The following SYT1 variants were observed in gnomAD, a reference collection of about 807,000 sequenced individuals.
SYT1 encodes synaptotagmin 1, also known as synaptotagmin-1.
Under a neutral mutation model 44.8 loss-of-function variants are expected in SYT1, and 8 were observed. The ratio of observed to expected loss-of-function variants is 0.18; its 90% CI spans 0.10 to 0.32. The LOEUF is 0.32. Among genes scored for constraint, SYT1 ranks in the 10% least tolerant of loss-of-function variants. The pLI, the probability that SYT1 is intolerant of heterozygous loss-of-function variation, is 1.00. For synonymous variants in SYT1, 154 were observed against 188.8 expected (o/e 0.82, Z 1.51); for missense variants, 286 against 509.3 (o/e 0.56, Z 4.22).
chr12:79,160,269 A>T (rs1374052072), intron 3 of SYT1, among the ~76,000 whole-genome samples: 4 of 152,108 alleles, frequency 2.6e-5, no homozygotes, highest in African/African-American at 9.7e-5. Context: ...GCTGAGGTTG[A>T]AATATAAGTA....
chr12:79,204,449 G>A (rs1873977330), intron 3 of SYT1, among the ~76,000 whole-genome samples: 2 of 152,196 alleles, frequency 1.3e-5, no homozygotes, highest in South Asian at 4.1e-4. Context: ...GAAACAGCAA[G>A]AGTTCAGAGT....
At chr12:79,041,676 T>C (rs961751618) in intron 2 of SYT1, among the ~76,000 whole-genome samples, 8 of 152,044 alleles carry the variant, frequency 5.3e-5, no homozygotes, top group Non-Finnish European at 1.2e-4. Context: ...ATAGGAGTGG[T>C]GAGACAGGGC....
chr12:79,046,507 CCAAAT>C (rs940060067), intron 2 of SYT1: 1 of 152,032 alleles, frequency 6.6e-6, no homozygotes, highest in African/African-American at 2.4e-5. Context: ...ACATGTCAAA[CCAAAT>C]CAGAAATTCC....
At chr12:79,380,300 G>A (rs538509537) in intron 9 of SYT1, among the ~76,000 whole-genome samples, 1 of 152,316 alleles carries the variant, frequency 6.6e-6, no homozygotes, top group Admixed American at 6.5e-5. Context: ...CTCTGACAAA[G>A]ATGCAATTTG....
chr12:78,868,729 G>C (rs1434076668), intron 1 of SYT1: 1 of 151,824 alleles, frequency 6.6e-6, no homozygotes, highest in Non-Finnish European at 1.5e-5. Flanking sequence ...AGATGACGGT[G>C]TCTTAGGAAT....
intron 1 of SYT1, among the ~76,000 whole-genome samples, chr12:78,899,215 A>G (rs1592536815): frequency 6.6e-6 from 1 of 152,174 alleles, no homozygotes; most frequent in Admixed American, 6.6e-5. Context: ...TATTGCTGAA[A>G]TCATTATGAA....
At chr12:78,994,487 T>G (rs1335671670) in intron 2 of SYT1, among the ~76,000 whole-genome samples, 2 of 110,248 alleles carry the variant, frequency 1.8e-5, no homozygotes, top group African/African-American at 8.0e-5. Flanking sequence ...TTTCTTCTCC[T>G]TTTTTTTTTT....
intron 5 of SYT1, among the ~76,000 whole-genome samples, chr12:79,287,774 A>G (rs754651354): frequency 2.1e-4 from 32 of 152,134 alleles, no homozygotes; most frequent in Non-Finnish European, 1.2e-4. Context: ...TATGACCTGG[A>G]TAAATGACCA....
chr12:79,440,464 G>A (rs1870347936), intron 9 of SYT1, among the ~76,000 whole-genome samples: 1 of 152,106 alleles, frequency 6.6e-6, no homozygotes, highest in African/African-American at 2.4e-5. Context: ...GATATAGAGT[G>A]CCTAGAGACA....
At chr12:79,444,306 C>G in intron 10 of SYT1, 100 bp downstream of exon 10, 2 of 1,366,106 alleles carry the variant, frequency 1.5e-6, no homozygotes, top group Non-Finnish European at 2.0e-6. Flanking sequence ...CACATGCCTT[C>G]ATTAGAACTG....
chr12:79,185,066 C>T (rs1440343784), intron 3 of SYT1, among the ~76,000 whole-genome samples: 1 of 152,020 alleles, frequency 6.6e-6, no homozygotes. Flanking sequence ...GCTCTCTCCA[C>T]TATGAATTGC....
chr12:78,877,786 G>A (rs751122136), intron 1 of SYT1, among the ~76,000 whole-genome samples: 47 of 151,482 alleles, frequency 3.1e-4, no homozygotes, highest in Non-Finnish European at 5.2e-4. Context: ...ATACCACCAC[G>A]CCTGGCTAAT....
chr12:79,056,917 G>T (rs190052950), intron 3 of SYT1, among the ~76,000 whole-genome samples: 1 of 151,938 alleles, frequency 6.6e-6, no homozygotes, highest in East Asian at 1.9e-4. Context: ...CATTTTAAGT[G>T]GTTTTGTTGT....
intron 3 of SYT1, among the ~76,000 whole-genome samples, chr12:79,217,171 C>A (rs968444446): frequency 6.6e-6 from 1 of 152,098 alleles, no homozygotes; most frequent in African/African-American, 2.4e-5. Context: ...TTGTTTCATA[C>A]ACGTTTTGGT....
chr12:79,006,233 AT>A (rs1476291500), intron 2 of SYT1, among the ~76,000 whole-genome samples: 5 of 152,184 alleles, frequency 3.3e-5, no homozygotes, highest in Non-Finnish European at 7.3e-5. Context: ...GTGACCATGT[AT>A]GAAGATCACT....
At chr12:79,137,529 C>A (rs772352542) in intron 3 of SYT1, among the ~76,000 whole-genome samples, 2 of 152,164 alleles carry the variant, frequency 1.3e-5, no homozygotes, top group African/African-American at 2.4e-5. Flanking sequence ...TCTCCCAAGT[C>A]ATAAATTAGA....
chr12:79,251,041 G>T (rs1318902489), intron 4 of SYT1, among the ~76,000 whole-genome samples: 1 of 152,132 alleles, frequency 6.6e-6, no homozygotes, highest in Non-Finnish European at 1.5e-5. Flanking sequence ...CATCAGTAAA[G>T]AAGACTGCAA....
At chr12:79,372,966 A>G (rs1474598502) in intron 9 of SYT1, among the ~76,000 whole-genome samples, 1 of 152,220 alleles carries the variant, frequency 6.6e-6, no homozygotes, top group African/African-American at 2.4e-5. Context: ...GAGACCAACA[A>G]TAAGTAAGTA....
chr12:78,876,750 T>TATATATTATATA, intron 1 of SYT1, among the ~76,000 whole-genome samples: 1 of 97,494 alleles, frequency 1.0e-5, no homozygotes, highest in African/African-American at 5.5e-5. Context: ...TATTATATAT[T>TATATATTATATA]GTATATTATA....
Sources: allele counts gnomAD v4.1 joint callset (sites outside exome capture counted in the v4.1 genomes callset), GRCh38; gene constraint gnomAD v4.1.1; transcripts MANE v1.5; gene names NCBI Gene and HGNC (gene_info 2026-07-23, HGNC 2026-07-21).